The following BABAM2 variants were observed in gnomAD, a reference collection of about 807,000 sequenced individuals.
The protein encoded by BABAM2 is BRISC and BRCA1-A complex member 2.
BABAM2 carries 31 observed loss-of-function variants against 54.7 expected under a neutral mutation model. The ratio of observed to expected loss-of-function variants is 0.57; its 90% CI spans 0.43 to 0.77. BABAM2 has a LOEUF of 0.77. Among genes scored for constraint, BABAM2 ranks in the 30% least tolerant of loss-of-function variants. The pLI is 0.00. For synonymous variants in BABAM2, 167 were observed against 162.9 expected (o/e 1.03, Z -0.19); for missense variants, 364 against 455.8 (o/e 0.80, Z 1.83).
chr2:28,294,277 G>A (rs961029659), intron 10 of BABAM2, among the ~76,000 whole-genome samples: 1 of 152,180 alleles, frequency 6.6e-6, no homozygotes, highest in Admixed American at 6.5e-5. Context: ...CTACTTGGGA[G>A]GCTGAGGCAA....
At chr2:28,099,668 C>T (rs1666911586) in intron 6 of BABAM2, among the ~76,000 whole-genome samples, 1 of 152,036 alleles carries the variant, frequency 6.6e-6, no homozygotes, top group African/African-American at 2.4e-5. Context: ...GAAAATAAGA[C>T]TATATTTGCC....
chr2:28,051,940 A>G (rs1050599583), intron 6 of BABAM2, among the ~76,000 whole-genome samples: 1 of 152,134 alleles, frequency 6.6e-6, no homozygotes, highest in African/African-American at 2.4e-5. Flanking sequence ...ATGAGCCACC[A>G]TGCCTGGCCA....
At position 28,232,407 on chromosome 2, in the gene BABAM2, C is replaced by T. The variant is rs187586547; in HGVS notation, c.681-4795C>T. Among the ~76,000 whole-genome samples, 6 of 152,304 alleles carry T rather than the reference C, an allele frequency of 3.9e-5. No individual in the cohort carries two copies. In the East Asian group the frequency reaches 1.2e-3, roughly 29 times the overall value. On this transcript the variant is annotated intron_variant, in intron 7 of 11. Transcript: ENST00000379624. ...TCAAAATAAAAACAATTCCTTTATG[C>T]CGTCACGTTGCAGCCAAGTTAAGTC...
chr2:27,935,350 T>A (rs768351465), intron 3 of BABAM2, among the ~76,000 whole-genome samples: 4 of 152,242 alleles, frequency 2.6e-5, no homozygotes, highest in Non-Finnish European at 4.4e-5. Flanking sequence ...TCATTGACAG[T>A]GCACTTTGTC....
At chr2:28,313,735 G>A (rs945232877) in intron 11 of BABAM2, among the ~76,000 whole-genome samples, 3 of 152,290 alleles carry the variant, frequency 2.0e-5, no homozygotes, top group South Asian at 2.1e-4. Flanking sequence ...TTCAGCAAAC[G>A]TGTAAGAGCT....
intron 6 of BABAM2, among the ~76,000 whole-genome samples, chr2:28,056,567 C>A (rs996797664): frequency 6.6e-6 from 1 of 151,538 alleles, no homozygotes; most frequent in Admixed American, 6.6e-5. Flanking sequence ...GCTTTGCTAC[C>A]CTGTCCCCAT....
intron 7 of BABAM2, among the ~76,000 whole-genome samples, chr2:28,152,642 T>C (rs1057071516): frequency 1.3e-5 from 2 of 152,156 alleles, no homozygotes; most frequent in African/African-American, 4.8e-5. Flanking sequence ...TCTGAAATCA[T>C]GCTACTCCAC....
At chr2:28,170,498 T>C (rs1054196816) in intron 7 of BABAM2, among the ~76,000 whole-genome samples, 9 of 152,110 alleles carry the variant, frequency 5.9e-5, no homozygotes, top group Non-Finnish European at 1.3e-4. Context: ...AATATTAACT[T>C]CATCTACCAA....
intron 4 of BABAM2, among the ~76,000 whole-genome samples, chr2:27,988,489 A>G (rs971796798): frequency 1.3e-5 from 2 of 152,148 alleles, no homozygotes; most frequent in Non-Finnish European, 2.9e-5. Context: ...CCGTTTTTAT[A>G]TAGAAGTGAA....
intron 7 of BABAM2, among the ~76,000 whole-genome samples, chr2:28,196,109 C>T (rs1257524184): frequency 2.0e-5 from 3 of 152,024 alleles, no homozygotes; most frequent in Non-Finnish European, 2.9e-5. Context: ...AGGCGGATCA[C>T]GAGGTCAGGA....
chr2:28,087,314 GGACA>G (rs1665741095), intron 6 of BABAM2, among the ~76,000 whole-genome samples: 1 of 152,074 alleles, frequency 6.6e-6, no homozygotes, highest in Admixed American at 6.6e-5. Flanking sequence ...GAAAAAAGCT[GGACA>G]GACAGATTTT....
chr2:28,319,838 T>C (rs1198961918), intron 11 of BABAM2, among the ~76,000 whole-genome samples: 2 of 152,172 alleles, frequency 1.3e-5, no homozygotes, highest in Non-Finnish European at 2.9e-5. Context: ...TCAAAGGCAA[T>C]ACACTTGCAG....
upstream of BABAM2, among the ~76,000 whole-genome samples, chr2:27,889,469 A>G (rs569262644): frequency 6.6e-6 from 1 of 152,346 alleles, no homozygotes; most frequent in South Asian, 2.1e-4. Context: ...GAATATCTGA[A>G]TTTATTACTA....
At chr2:28,189,755 C>CT (rs34387957) in intron 7 of BABAM2, among the ~76,000 whole-genome samples, 22 of 146,858 alleles carry the variant, frequency 1.5e-4, no homozygotes, top group Admixed American at 2.0e-4. Flanking sequence ...TCTCAGCAGA[C>CT]TTTTTTTTTT....
intron 2 of BABAM2, among the ~76,000 whole-genome samples, chr2:27,895,730 CCTATAA>C (rs1665243812): frequency 6.6e-6 from 1 of 152,108 alleles, no homozygotes; most frequent in African/African-American, 2.4e-5. Flanking sequence ...ATGATTCTTG[CCTATAA>C]CTATTACTAC....
intron 3 of BABAM2, among the ~76,000 whole-genome samples, chr2:27,977,480 A>G (rs929151455): frequency 6.6e-6 from 1 of 152,224 alleles, no homozygotes; most frequent in Non-Finnish European, 1.5e-5. Flanking sequence ...GAAGAGGGAT[A>G]TGTAGCTTAG....
At chr2:28,017,659 G>A (rs530823496) in intron 4 of BABAM2, among the ~76,000 whole-genome samples, 1 of 152,266 alleles carries the variant, frequency 6.6e-6, no homozygotes, top group South Asian at 2.1e-4. Context: ...AACTGTGTAT[G>A]CATTAGCAGT....
intron 10 of BABAM2, among the ~76,000 whole-genome samples, chr2:28,294,777 T>A (rs903131409): frequency 7.9e-5 from 12 of 152,230 alleles, no homozygotes; most frequent in Admixed American, 5.2e-4. Context: ...CTTAGTTAAG[T>A]TGAGCAAGAT....
chr2:28,171,575 C>G (rs1409894239), intron 7 of BABAM2, among the ~76,000 whole-genome samples: 1 of 152,136 alleles, frequency 6.6e-6, no homozygotes, highest in East Asian at 1.9e-4. Context: ...ATTTTTTAAG[C>G]AGCCTGTTTT....
Sources: allele counts gnomAD v4.1 joint callset (sites outside exome capture counted in the v4.1 genomes callset), GRCh38; gene constraint gnomAD v4.1.1; transcripts MANE v1.5; gene names NCBI Gene and HGNC (gene_info 2026-07-23, HGNC 2026-07-21).